The following ZNF407 variants were observed in gnomAD, a reference collection of about 807,000 sequenced individuals.
The protein encoded by ZNF407 is zinc finger protein 407.
In ZNF407, 17 loss-of-function variants were observed where a neutral mutation model predicts 131.2. The observed-to-expected ratio is 0.13, with a 90% CI of 0.09 to 0.19. The LOEUF (loss-of-function observed/expected upper bound fraction) is 0.19, where lower values mean the gene tolerates loss of function less well. ZNF407 is among the 10% of genes least tolerant of loss of function. ZNF407 has a pLI of 1.00. For missense variants in ZNF407, 2,681 were observed against 2,830.6 expected, an observed-to-expected ratio of 0.95 and a Z score of 1.20; for synonymous variants, 1,156 against 1,062.0, an observed-to-expected ratio of 1.09 and a Z score of -1.72.
At chr18:74,837,723 G>A (rs1453778645) in intron 4 of ZNF407, among the ~76,000 whole-genome samples, 2 of 151,780 alleles carry the variant, frequency 1.3e-5, no homozygotes, top group African/African-American at 4.8e-5. Context: ...GCCTAATCTC[G>A]TTCACTGCAG....
At chr18:74,666,435 C>T (rs8088980) in intron 3 of ZNF407, among the ~76,000 whole-genome samples, 78,419 of 151,902 alleles carry the variant, frequency 0.52, 21,696 homozygotes, top group East Asian at 0.81. Flanking sequence ...CTTATTCCCT[C>T]CCTTGCTTAT....
At chr18:74,908,741 T>C (rs1971628684) in intron 7 of ZNF407, among the ~76,000 whole-genome samples, 1 of 152,152 alleles carries the variant, frequency 6.6e-6, no homozygotes, top group African/African-American at 2.4e-5. Context: ...GTATATATCT[T>C]AAGCTGTCTT....
chr18:75,064,285 C>T lies in ZNF407; in HGVS notation c.6564C>T (p.His2188=). 1 of 1,604,666 alleles carries T rather than the reference C, an allele frequency of 6.2e-7. No homozygotes were observed. Among genetic ancestry groups the T allele is most frequent in the East Asian group, 2.2e-5 (1 of 44,642 alleles). Residue 2188 remains histidine, a synonymous_variant, in exon 9 of 9, where the codon CAC becomes CAT. Transcript: ENST00000299687. Reference sequence around the variant, plus strand: ...AGGACGAGCCGGGCCTGTACTCCCACACCGTGCTGGAGACTGCGGACTCGC... The same window carrying T: ...AGGACGAGCCGGGCCTGTACTCCCATACCGTGCTGGAGACTGCGGACTCGC... ...GVQDEPGLYS[H]TVLETADSQE...
Position 74,703,871 on chromosome 18 carries a change from G to A in ZNF407, c.4802+62749G>A, listed in dbSNP as rs1315711216. On this transcript the variant is annotated intron_variant, in intron 3 of 8. Transcript: ENST00000299687. This position sits in a 1 kb window ranked among gnomAD's most constrained non-coding sequence, Gnocchi z 4.1. Reference sequence around the variant, plus strand: ...TCTTAGGTAAGTTGAGATATGAGGTGGTAAATGTCAATTTGTGCAATTTCT... The same window carrying A: ...TCTTAGGTAAGTTGAGATATGAGGTAGTAAATGTCAATTTGTGCAATTTCT... 2.0e-5 allele frequency among the ~76,000 whole-genome samples: 3 copies of A among 151,262 alleles called. No individual in the cohort carries two copies. The East Asian group carries it at 5.8e-4, about 29-fold the overall frequency.
chr18:74,741,247 C>T (rs979160136), intron 3 of ZNF407, among the ~76,000 whole-genome samples: 5 of 152,104 alleles, frequency 3.3e-5, no homozygotes, highest in African/African-American at 4.8e-5. Context: ...CATATATACA[C>T]ACATACATAC....
At chr18:74,606,321 C>T (rs1352916890) in intron 1 of ZNF407, among the ~76,000 whole-genome samples, 1 of 152,080 alleles carries the variant, frequency 6.6e-6, no homozygotes, top group Non-Finnish European at 1.5e-5. Flanking sequence ...TGGAAAGGTG[C>T]TTTTTAGAAC....
Position 74,633,916 on chromosome 18 carries a change from T to A in ZNF407, c.2897T>A (p.Ile966Asn). The A allele has an allele frequency of 6.2e-7, 1 of 1,614,048 alleles. No individual in the cohort carries two copies. Residue 966 changes from isoleucine (I) to asparagine (N), a missense_variant, in exon 2 of 9, where the codon ATT (isoleucine) becomes AAT (asparagine). This residue lies in a region of ZNF407 where 1,789 missense variants were observed against 1,748.7 expected (regional missense o/e 1.02). Transcript: ENST00000299687. The stretch of plus-strand genomic sequence containing the variant: ...GAGAAGCCAGATCGTGGAAACTCAA[T>A]TGAAGCTGAAGTTGAAAATGTATTT... Reference protein sequence around the residue: ...VLEKPDRGNSIEAEVENVFHS... With the variant: ...VLEKPDRGNSNEAEVENVFHS...
intron 7 of ZNF407, among the ~76,000 whole-genome samples, chr18:74,913,503 T>C (rs937983799): frequency 1.3e-5 from 2 of 152,138 alleles, no homozygotes; most frequent in African/African-American, 4.8e-5. Context: ...GTGTGTGTGG[T>C]GCCCCTGCAT....
intron 4 of ZNF407, among the ~76,000 whole-genome samples, chr18:74,852,607 A>G (rs1008945735): frequency 1.3e-5 from 2 of 152,202 alleles, no homozygotes; most frequent in African/African-American, 4.8e-5. Flanking sequence ...ATAGCTACAC[A>G]TTAAACATGA....
intron 8 of ZNF407, among the ~76,000 whole-genome samples, chr18:75,011,276 C>T (rs1161273133): frequency 6.6e-6 from 1 of 152,172 alleles, no homozygotes; most frequent in Non-Finnish European, 1.5e-5. Context: ...GACTACCTTT[C>T]TCTGCGAATA....
intron 8 of ZNF407, among the ~76,000 whole-genome samples, chr18:74,993,898 G>A (rs747746180): frequency 3.3e-5 from 5 of 152,290 alleles, no homozygotes; most frequent in Middle Eastern, 3.4e-3. Flanking sequence ...AATGACTGGC[G>A]TGTATTTTAA....
chr18:74,887,405 A>G (rs1209921624), intron 6 of ZNF407, among the ~76,000 whole-genome samples: 2 of 152,160 alleles, frequency 1.3e-5, no homozygotes, highest in Non-Finnish European at 2.9e-5. Context: ...GCTAAAAGAG[A>G]CAAAAATCCC....
Position 75,030,548 on chromosome 18 carries a change from G to A in ZNF407, c.5429-32602G>A, listed in dbSNP as rs760708586. Among the ~76,000 whole-genome samples the A allele has an allele frequency of 6.3e-4, 96 of 152,340 alleles. 3 individuals carry two copies. Among genetic ancestry groups the A allele is most frequent in the Non-Finnish European group, 6.5e-4 (44 of 68,026 alleles). The stretch of plus-strand genomic sequence containing the variant: ...GTATTGAAAAAGAAATGCTTTAGAA[G>A]TATATTCAGTGCAGCAAACTTACCT... On this transcript the variant is annotated intron_variant, in intron 8 of 8. Transcript: ENST00000299687.
intron 3 of ZNF407, among the ~76,000 whole-genome samples, chr18:74,768,856 T>C (rs1969301122): frequency 6.6e-6 from 1 of 152,214 alleles, no homozygotes; most frequent in Non-Finnish European, 1.5e-5. Flanking sequence ...TATTTATTTT[T>C]AATATTTGCA....
At chr18:74,982,958 A>G (rs1046916903) in intron 8 of ZNF407, among the ~76,000 whole-genome samples, 6 of 152,038 alleles carry the variant, frequency 3.9e-5, no homozygotes, top group Admixed American at 6.6e-5. Context: ...GTTGTCTGAA[A>G]AAAAATTTTT....
intron 4 of ZNF407, among the ~76,000 whole-genome samples, chr18:74,823,017 C>T (rs774958069): frequency 6.6e-6 from 1 of 152,112 alleles, no homozygotes; most frequent in Non-Finnish European, 1.5e-5. Flanking sequence ...GTATTTTATT[C>T]TCTTTGTAGC....
chr18:74,722,920 C>G (rs1337768866), intron 3 of ZNF407, among the ~76,000 whole-genome samples: 1 of 151,940 alleles, frequency 6.6e-6, no homozygotes, highest in African/African-American at 2.4e-5. Context: ...TTCTGTTTTT[C>G]TACTTGAACT....
chr18:74,635,838 G>A lies in ZNF407; in HGVS notation c.4687+132G>A. 1 of 1,228,392 alleles carries A rather than the reference G, an allele frequency of 8.1e-7. No homozygotes were observed. The highest frequency in any genetic ancestry group is 1.1e-6 in the Non-Finnish European group (1 of 907,862). The allele number at this position is 1,228,392 out of a possible 1,614,324, so 76.1% of individuals were successfully genotyped here. On this transcript the variant is annotated intron_variant, in intron 2 of 8. Transcript: ENST00000299687. This position sits in a 1 kb window ranked among gnomAD's most constrained non-coding sequence, Gnocchi z 4.7. ...ACATTTCACTGCCGTGTGCTGCTCT[G>A]CTTGTCTGCAATAAGTCATTGTTGA...
intron 8 of ZNF407, among the ~76,000 whole-genome samples, chr18:75,004,128 G>T (rs547300883): frequency 1.3e-5 from 2 of 152,284 alleles, no homozygotes; most frequent in South Asian, 4.1e-4. Flanking sequence ...GGAGTGCCTG[G>T]TCTCACTGAG....
Sources: allele counts gnomAD v4.1 joint callset (sites outside exome capture counted in the v4.1 genomes callset), GRCh38; gene constraint gnomAD v4.1.1; regional missense constraint gnomAD v4.1.1; non-coding constraint Gnocchi (gnomAD v3.1); transcripts MANE v1.5; gene names NCBI Gene and HGNC (gene_info 2026-07-23, HGNC 2026-07-21).